NAT8: variants seen among roughly 807,000 people sequenced by gnomAD.
The protein encoded by NAT8 is N-acetyltransferase 8.
For missense variants in NAT8, 357 were observed against 287.1 expected (o/e 1.24, Z -1.76); for synonymous variants, 131 against 115.4 (o/e 1.14, Z -0.87).
Position 73,640,831 on chromosome 2 carries a change from G to A in NAT8, c.*114C>T, listed in dbSNP as rs1676377766. The A allele has an allele frequency of 8.5e-7, 1 of 1,175,272 alleles. No homozygotes were observed. The highest frequency in any genetic ancestry group is 1.7e-5 in the South Asian group (1 of 57,346). 72.8% of individuals were successfully genotyped at this position (1,175,272 alleles called of 1,614,324 possible). On this transcript the variant is annotated 3_prime_UTR_variant, in exon 2 of 2. Transcript: ENST00000272425. ...ACAAGCAATCACATGGGACTCAGAT[G>A]TGAATGGACAATAAGCTTTTATTGC... is the stretch of plus-strand genomic sequence containing the variant.
chr2:73,640,941 G>A lies in NAT8; in HGVS notation c.*4C>T. 6.2e-7 allele frequency: 1 copy of A among 1,603,894 alleles called. No individual in the cohort carries two copies. Among genetic ancestry groups the A allele is most frequent in the Non-Finnish European group, 8.5e-7 (1 of 1,175,288 alleles). On this transcript the variant is annotated 3_prime_UTR_variant, in exon 2 of 2. Coordinates refer to ENST00000272425, the MANE Select transcript of NAT8 (RefSeq NM_003960.4). ...CTATTCTGACCAATACACACAGAAA[G>A]AGATCACAGACTCCCTACCTTAGAA...
Position 73,641,329 on chromosome 2 carries a change from G to A in NAT8, c.300C>T (p.Ser100=). ...LCTDMSDITK[S]YLSERGSCFW... is the part of the protein sequence containing the mutation. ...AGCAGGAGCCACGCTCACTCAGGTA[G>A]GATTTGGTAATGTCAGACATGTCTG... Residue 100 remains serine (S), a synonymous_variant, in exon 2 of 2, where the codon TCC becomes TCT. Transcript: ENST00000272425. 1 of 1,614,134 alleles carries A rather than the reference G, an allele frequency of 6.2e-7. No individual in the cohort carries two copies. Among genetic ancestry groups the A allele is most frequent in the Non-Finnish European group, 8.5e-7 (1 of 1,180,042 alleles).
chr2:73,641,595 T>C lies in NAT8; in HGVS notation c.34A>G (p.Ser12Gly). ...AAGCCCACAACCCACTGGCGGTCGC[T>C]CTCCTGGTATTTGCGGATGTGACAA... ...APCHIRKYQE[S>G]DRQWVVGLLS... The change falls in exon 2 of 2, where the codon AGC becomes GGC. Residue 12 changes from serine (S) to glycine (G), a missense_variant. Transcript: ENST00000272425. 3.2e-6 allele frequency: 5 copies of C among 1,562,824 alleles called. No homozygotes were observed. The highest frequency in any genetic ancestry group is 4.3e-6 in the Non-Finnish European group (5 of 1,155,434).
In NAT8 at chr2:73,641,580, C is replaced by T. The variant is rs1676403281; in HGVS notation, c.49G>A (p.Val17Ile). Residue 17 changes from valine to isoleucine, a missense_variant, in exon 2 of 2, where the codon GTT becomes ATT. Physicochemically the swap from Val to Ile is conservative, Grantham distance 29 (BLOSUM62 3). Transcript: ENST00000272425. ...RKYQESDRQWVVGLLSRGMAE... is the reference protein window; with the variant it reads ...RKYQESDRQWIVGLLSRGMAE... ...ATCCCCCGGGAGAGCAAGCCCACAA[C>T]CCACTGGCGGTCGCTCTCCTGGTAT... The T allele has an allele frequency of 3.8e-6, 6 of 1,581,638 alleles. No individual in the cohort carries two copies. Among genetic ancestry groups the T allele is most frequent in the Non-Finnish European group, 5.2e-6 (6 of 1,164,878 alleles).
Position 73,641,596 on chromosome 2 carries a change from C to G in NAT8, c.33G>C (p.Glu11Asp), listed in dbSNP as rs1397131830. The G allele has an allele frequency of 2.6e-6, 4 of 1,563,552 alleles. No individual in the cohort carries two copies. Among genetic ancestry groups the G allele is most frequent in the Middle Eastern group, 1.7e-4 (1 of 5,782 alleles). MAPCHIRKYQ[E>D]SDRQWVVGLL... Reference sequence around the variant, plus strand: ...AGCCCACAACCCACTGGCGGTCGCTCTCCTGGTATTTGCGGATGTGACAAG... The same window carrying G: ...AGCCCACAACCCACTGGCGGTCGCTGTCCTGGTATTTGCGGATGTGACAAG... The change falls in exon 2 of 2, where the codon GAG (glutamate) becomes GAC (aspartate). Residue 11 changes from glutamate to aspartate, a missense_variant. Transcript: ENST00000272425.
chr2:73,641,753 G>C, intron 1 of NAT8, 51 bp from the exon 2 acceptor site: 3 of 1,251,510 alleles, frequency 2.4e-6, no homozygotes, highest in Non-Finnish European at 3.3e-6. Flanking sequence ...TCCCAGCCTT[G>C]CAGGAACAGG....
rs1241989743 is a variant in NAT8, at chr2:73,641,354, G to C, written c.275C>G (p.Thr92Arg). Residue 92 changes from threonine to arginine, a missense_variant, in exon 2 of 2, where the codon ACA (threonine) becomes AGA (arginine). By Grantham distance (71) the Thr-to-Arg change is moderately conservative. Coordinates refer to ENST00000272425, the MANE Select transcript of NAT8 (RefSeq NM_003960.4). ...WTEYVDMTLCTDMSDITKSYL... is the reference protein window; with the variant it reads ...WTEYVDMTLCRDMSDITKSYL... Reference sequence around the variant, plus strand: ...GGATTTGGTAATGTCAGACATGTCTGTGCACAATGTCATGTCCACATACTC... The same window carrying C: ...GGATTTGGTAATGTCAGACATGTCTCTGCACAATGTCATGTCCACATACTC... 4.3e-6 allele frequency: 7 copies of C among 1,614,008 alleles called. No homozygotes were observed. The highest frequency in any genetic ancestry group is 2.2e-5 in the South Asian group (2 of 91,076).
At position 73,640,866 on chromosome 2, in the gene NAT8, T is replaced by A; in HGVS notation, c.*79A>T. The A allele has an allele frequency of 1.4e-6, 2 of 1,404,156 alleles. No homozygotes were observed. Among genetic ancestry groups the A allele is most frequent in the South Asian group, 2.9e-5 (2 of 69,074 alleles). 87.0% of individuals were successfully genotyped at this position (1,404,156 alleles called of 1,614,324 possible). A position where few individuals can be genotyped will look rare whatever the true frequency, so the allele number is the denominator to read the frequency against. ...AATAAGCTTTTATTGCATTGAAAGG[T>A]CATTGCAGTGAAAGGTTGGGGATTG... On this transcript the variant is annotated 3_prime_UTR_variant, in exon 2 of 2. Transcript: ENST00000272425.
chr2:73,641,033 G>C lies in NAT8; in HGVS notation c.596C>G (p.Ser199Cys), dbSNP rs746634543. The C allele has an allele frequency of 6.2e-7, 1 of 1,614,120 alleles. No homozygotes were observed. The highest frequency in any genetic ancestry group is 1.1e-5 in the South Asian group (1 of 91,080). The part of the protein sequence containing the change: ...QSMGFKKTGQ[S>C]FFCVWARLVA... The stretch of plus-strand genomic sequence containing the variant: ...TAGCCTGGCCCACACACAGAAGAAG[G>C]ACTGGCCCGTCTTCTTGAAGCCCAT... The change falls in exon 2 of 2, where the codon TCC becomes TGC. Residue 199 changes from serine (S) to cysteine (C), a missense_variant. By Grantham distance (112) the Ser-to-Cys change is moderately radical. Transcript: ENST00000272425.
At position 73,641,368 on chromosome 2, in the gene NAT8, G is replaced by T; in HGVS notation, c.261C>A (p.Asp87Glu). The change falls in exon 2 of 2, where the codon GAC (aspartate) becomes GAA (glutamate). Residue 87 changes from aspartate to glutamate, a missense_variant. Transcript: ENST00000272425. ...LAKKPWTEYV[D>E]MTLCTDMSDI... is the part of the protein sequence containing the mutation. ...CAGACATGTCTGTGCACAATGTCAT[G>T]TCCACATACTCCGTCCAGGGTTTTT... 1 of 1,614,108 alleles carries T rather than the reference G, an allele frequency of 6.2e-7. No homozygotes were observed. The highest frequency in any genetic ancestry group is 1.3e-5 in the African/African-American group (1 of 75,038).
rs759908932 is a variant in NAT8 at position 73,640,989 on chromosome 2, G to T, written c.640C>A (p.His214Asn). The change falls in exon 2 of 2, where the codon CAT becomes AAT. Residue 214 changes from histidine (H) to asparagine (N), a missense_variant. His to Asn is a moderately conservative substitution (Grantham distance 68, BLOSUM62 1). Coordinates refer to ENST00000272425, the MANE Select transcript of NAT8 (RefSeq NM_003960.4). ...GAAGAAGGGAGGTGGTAGATGAAAT[G>T]AACTGTATGAAGAGCCACTAGCCTG... ...WARLVALHTV[H>N]FIYHLPSSKV... 1.2e-6 allele frequency: 2 copies of T among 1,613,904 alleles called. No homozygotes were observed. Among genetic ancestry groups the T allele is most frequent in the Admixed American group, 1.7e-5 (1 of 59,884 alleles).
At chr2:73,641,741 G>C in intron 1 of NAT8, 39 bp from the exon 2 acceptor site, 1 of 1,331,412 alleles carries the variant, frequency 7.5e-7, no homozygotes, top group Non-Finnish European at 1.0e-6. Context: ...TGCCTGCATG[G>C]CTCCCAGCCT....
rs758261249 is a variant in NAT8 at position 73,641,025 on chromosome 2, A to G, written c.604T>C (p.Cys202Arg). The G allele has an allele frequency of 2.4e-5, 38 of 1,613,976 alleles. No homozygotes were observed. Among genetic ancestry groups the G allele is most frequent in the East Asian group, 4.5e-5 (2 of 44,890 alleles). The stretch of plus-strand genomic sequence containing the variant: ...AGAGCCACTAGCCTGGCCCACACAC[A>G]GAAGAAGGACTGGCCCGTCTTCTTG... ...GFKKTGQSFF[C>R]VWARLVALHT... Residue 202 changes from cysteine to arginine, a missense_variant, in exon 2 of 2, where the codon TGT becomes CGT. Coordinates refer to ENST00000272425, the MANE Select transcript of NAT8 (RefSeq NM_003960.4).
Position 73,640,996 on chromosome 2 carries a change from A to T in NAT8, c.633T>A (p.His211Gln). 16 of 1,614,096 alleles carry T rather than the reference A, an allele frequency of 9.9e-6. No individual in the cohort carries two copies. The highest frequency in any genetic ancestry group is 1.4e-5 in the Non-Finnish European group (16 of 1,180,016). The change falls in exon 2 of 2, where the codon CAT (histidine) becomes CAA (glutamine). Residue 211 changes from histidine to glutamine, a missense_variant. His to Gln is a conservative substitution (Grantham distance 24). Coordinates refer to ENST00000272425, the MANE Select transcript of NAT8 (RefSeq NM_003960.4). ...FCVWARLVAL[H>Q]TVHFIYHLPS... Reference sequence around the variant, plus strand: ...GGAGGTGGTAGATGAAATGAACTGTATGAAGAGCCACTAGCCTGGCCCACA... The same window carrying T: ...GGAGGTGGTAGATGAAATGAACTGTTTGAAGAGCCACTAGCCTGGCCCACA...
At position 73,641,577 on chromosome 2, in the gene NAT8, C is replaced by T; in HGVS notation, c.52G>A (p.Val18Met). The T allele has an allele frequency of 1.9e-6, 3 of 1,588,982 alleles. No homozygotes were observed. Among genetic ancestry groups the T allele is most frequent in the South Asian group, 1.2e-5 (1 of 86,572 alleles). Residue 18 changes from valine to methionine, a missense_variant, in exon 2 of 2, where the codon GTG (valine) becomes ATG (methionine). Coordinates refer to ENST00000272425, the MANE Select transcript of NAT8 (RefSeq NM_003960.4). ...KYQESDRQWVVGLLSRGMAEH... is the reference protein window; with the variant it reads ...KYQESDRQWVMGLLSRGMAEH... ...GCCATCCCCCGGGAGAGCAAGCCCACAACCCACTGGCGGTCGCTCTCCTGG... is the reference window on the plus strand; with the variant it reads ...GCCATCCCCCGGGAGAGCAAGCCCATAACCCACTGGCGGTCGCTCTCCTGG...
intron 1 of NAT8, 36 bp from the exon 2 acceptor site, chr2:73,641,738 A>C: frequency 7.4e-7 from 1 of 1,351,440 alleles, no homozygotes; most frequent in East Asian, 2.3e-5. Context: ...GAGTGCCTGC[A>C]TGGCTCCCAG....
chr2:73,641,106 G>C lies in NAT8; in HGVS notation c.523C>G (p.Leu175Val). 1 of 1,614,126 alleles carries C rather than the reference G, an allele frequency of 6.2e-7. No homozygotes were observed. Among genetic ancestry groups the C allele is most frequent in the South Asian group, 1.1e-5 (1 of 91,084 alleles). ...ARDQGYSEVI[L>V]DTGTIQLSAM... ...GAGAGCTGGATGGTGCCGGTGTCCA[G>C]GATAACTTCACTGTAGCCCTGGTCC... Residue 175 changes from leucine (L) to valine (V), a missense_variant, in exon 2 of 2, where the codon CTG becomes GTG. By Grantham distance (32) the Leu-to-Val change is conservative (BLOSUM62 1). Transcript: ENST00000272425.
rs1676391472 is a variant in NAT8, at chr2:73,641,249, A to G, written c.380T>C (p.Val127Ala). ...KVVGMVGALP[V>A]DDPTLREKRL... Reference sequence around the variant, plus strand: ...CTTCTCCCTCAAGGTGGGATCATCAACAGGCAGAGCTCCTACCATGCCCAC... The same window carrying G: ...CTTCTCCCTCAAGGTGGGATCATCAGCAGGCAGAGCTCCTACCATGCCCAC... Residue 127 changes from valine to alanine, a missense_variant, in exon 2 of 2, where the codon GTT (valine) becomes GCT (alanine). Physicochemically the swap from Val to Ala is moderately conservative, Grantham distance 64 (BLOSUM62 0). Transcript: ENST00000272425. The G allele has an allele frequency of 1.2e-6, 2 of 1,614,024 alleles. No individual in the cohort carries two copies. The highest frequency in any genetic ancestry group is 3.3e-5 in the Admixed American group (2 of 59,952).
intron 1 of NAT8, 114 bp from the exon 2 acceptor site, chr2:73,641,816 T>TCTG: frequency 3.1e-6 from 2 of 648,216 alleles, no homozygotes; most frequent in Non-Finnish European, 4.8e-6. Flanking sequence ...GAAGCAGGCC[T>TCTG]CTGCCACTGG....
Sources: gnomAD v4.1 joint callset for allele counts on GRCh38, gnomAD v4.1.1 for gene constraint, MANE v1.5 for transcripts, NCBI Gene and HGNC (gene_info 2026-07-23, HGNC 2026-07-21) for gene names.